PPARD: variants seen among roughly 807,000 people sequenced by gnomAD.
PPARD encodes the protein peroxisome proliferator activated receptor delta.
In PPARD, 6 loss-of-function variants were observed where a neutral mutation model predicts 39.5. The ratio of observed to expected loss-of-function variants is 0.15; its 90% CI spans 0.08 to 0.30. PPARD has a LOEUF of 0.30. Ranked by LOEUF, PPARD falls within the 10% of genes least tolerant of loss-of-function variation. The probability of loss-of-function intolerance (pLI) is 1.00; values close to 1 mark genes in which losing one functional copy is unlikely to be tolerated. For missense variants in PPARD, 397 were observed against 596.8 expected (o/e 0.67, Z 3.49); for synonymous variants, 210 against 231.3 (o/e 0.91, Z 0.83).
chr6:35,387,659 T>C (rs1763752142), intron 2 of PPARD, among the ~76,000 whole-genome samples: 1 of 151,966 alleles, frequency 6.6e-6, no homozygotes, highest in Non-Finnish European at 1.5e-5. Flanking sequence ...GGTTTTTTTT[T>C]TGATTGAGTG....
chr6:35,426,818 C>G lies in PPARD; in HGVS notation c.*739C>G, dbSNP rs200113596. On this transcript the variant is annotated 3_prime_UTR_variant, in exon 8 of 8. Transcript: ENST00000360694. ...CCTGCTCCAGCAGCACACCTCAGCC[C>G]CACTGACACCCAGTGTCCTTCCATC... 6 of 152,612 alleles carry G rather than the reference C, an allele frequency of 3.9e-5. No individual in the cohort carries two copies. Among genetic ancestry groups the G allele is most frequent in the African/African-American group, 1.4e-4 (6 of 41,468 alleles). 9.5% of individuals were successfully genotyped at this position (152,612 alleles called of 1,614,324 possible). A position where few individuals can be genotyped will look rare whatever the true frequency, so the allele number is the denominator to read the frequency against.
At chr6:35,377,837 C>T (rs1672775477) in intron 2 of PPARD, among the ~76,000 whole-genome samples, 1 of 146,758 alleles carries the variant, frequency 6.8e-6, no homozygotes. Context: ...TCTGTAGTAA[C>T]TATCACTCTG....
intron 2 of PPARD, among the ~76,000 whole-genome samples, chr6:35,365,925 G>C (rs1273893083): frequency 6.6e-6 from 1 of 151,804 alleles, no homozygotes. Context: ...CAGTAATGGA[G>C]ATAGACACTG....
At chr6:35,380,461 T>TTTTTTTTTTG (rs1562190195) in intron 2 of PPARD, among the ~76,000 whole-genome samples, 6 of 2,320 alleles carry the variant, frequency 2.6e-3, no homozygotes, top group Non-Finnish European at 0.012. Flanking sequence ...AACCTCGTGT[T>TTTTTTTTTTG]TTTTTTTTTT....
At chr6:35,407,685 TA>T (rs1347491586) in intron 2 of PPARD, among the ~76,000 whole-genome samples, 3 of 143,882 alleles carry the variant, frequency 2.1e-5, no homozygotes, top group Middle Eastern at 3.7e-3. Flanking sequence ...AATAAATAAA[TA>T]AAATAAAATA....
chr6:35,344,656 G>T (rs1010375887), intron 1 of PPARD, among the ~76,000 whole-genome samples: 11 of 152,144 alleles, frequency 7.2e-5, no homozygotes, highest in Admixed American at 2.0e-4. Context: ...CTGGCCCCAG[G>T]TTTCTAGGGG....
chr6:35,350,085 C>T (rs1213467519), intron 2 of PPARD, among the ~76,000 whole-genome samples: 2 of 152,152 alleles, frequency 1.3e-5, no homozygotes, highest in Admixed American at 6.5e-5. Flanking sequence ...ATCTTTTGCC[C>T]ATCCTTTTAT....
At chr6:35,423,519 C>T (rs1227656490) in intron 5 of PPARD, among the ~76,000 whole-genome samples, 2 of 149,104 alleles carry the variant, frequency 1.3e-5, no homozygotes, top group Non-Finnish European at 3.0e-5. Context: ...GGAGACAGAG[C>T]GAGACTCTGT....
intron 2 of PPARD, among the ~76,000 whole-genome samples, chr6:35,383,823 C>T (rs950433372): frequency 6.8e-6 from 1 of 147,088 alleles, no homozygotes; most frequent in Non-Finnish European, 1.5e-5. Context: ...TGAGGAGACC[C>T]TCCACCCGGC....
intron 2 of PPARD, among the ~76,000 whole-genome samples, chr6:35,368,132 C>T (rs1195315822): frequency 6.6e-6 from 1 of 152,116 alleles, no homozygotes; most frequent in Admixed American, 6.5e-5. Flanking sequence ...CTTGTGGTCT[C>T]CCACAGTGGA....
At chr6:35,419,912 C>T (rs1410608059) in intron 3 of PPARD, among the ~76,000 whole-genome samples, 1 of 152,220 alleles carries the variant, frequency 6.6e-6, no homozygotes, top group African/African-American at 2.4e-5. Flanking sequence ...GTATGTTAGG[C>T]TCTGGGAGAA....
intron 2 of PPARD, among the ~76,000 whole-genome samples, chr6:35,397,344 A>AACC (rs551706086): frequency 2.0e-4 from 31 of 152,158 alleles, no homozygotes; most frequent in South Asian, 6.2e-4. Flanking sequence ...CCCCTCCCGC[A>AACC]ACCACCACCA....
At chr6:35,349,683 T>C (rs965077339) in intron 2 of PPARD, among the ~76,000 whole-genome samples, 5 of 150,432 alleles carry the variant, frequency 3.3e-5, no homozygotes, top group African/African-American at 1.2e-4. Context: ...TTTTGTTTGT[T>C]TTTGTTTTTT....
intron 2 of PPARD, among the ~76,000 whole-genome samples, chr6:35,409,428 A>G (rs1765276538): frequency 6.6e-6 from 1 of 152,004 alleles, no homozygotes; most frequent in Non-Finnish European, 1.5e-5. Context: ...TCCCTTGAGC[A>G]CGGGAGATAA....
At chr6:35,394,512 T>G (rs1239888242) in intron 2 of PPARD, among the ~76,000 whole-genome samples, 1 of 152,184 alleles carries the variant, frequency 6.6e-6, no homozygotes, top group African/African-American at 2.4e-5. Context: ...GACTCATGCC[T>G]GTAATCTCAG....
intron 2 of PPARD, among the ~76,000 whole-genome samples, chr6:35,351,015 T>G (rs998013147): frequency 5.3e-5 from 8 of 152,114 alleles, no homozygotes; most frequent in Non-Finnish European, 8.8e-5. Context: ...TAGATTCTTT[T>G]TTTGTTTGTT....
chr6:35,421,243 G>A (rs913840763), intron 4 of PPARD, among the ~76,000 whole-genome samples: 4 of 151,710 alleles, frequency 2.6e-5, no homozygotes, highest in Admixed American at 1.3e-4. Context: ...GATTACAGGC[G>A]TGAGCCACTG....
At chr6:35,415,085 AAG>A (rs1479315360) in intron 3 of PPARD, among the ~76,000 whole-genome samples, 1 of 152,214 alleles carries the variant, frequency 6.6e-6, no homozygotes, top group Non-Finnish European at 1.5e-5. Flanking sequence ...ACCCTTGAGA[AAG>A]AGGAAGATAA....
chr6:35,410,552 G>A (rs1302469819), intron 2 of PPARD, among the ~76,000 whole-genome samples: 1 of 152,226 alleles, frequency 6.6e-6, no homozygotes, highest in Non-Finnish European at 1.5e-5. Context: ...GCACAGCAGA[G>A]CCGTGATTCT....
Sources: gnomAD v4.1 joint callset for allele counts (sites outside exome capture counted in the v4.1 genomes callset) on GRCh38, gnomAD v4.1.1 for gene constraint, MANE v1.5 for transcripts, NCBI Gene and HGNC (gene_info 2026-07-23, HGNC 2026-07-21) for gene names.